Variants in PRPSAP2 observed in about 807,000 individuals in gnomAD.
PRPSAP2 encodes the protein phosphoribosyl pyrophosphate synthase-associated protein 2.
A neutral mutation model predicts 40.6 loss-of-function variants in PRPSAP2; 24 were observed. The ratio of observed to expected loss-of-function variants is 0.59; its 90% CI spans 0.43 to 0.83. The LOEUF (loss-of-function observed/expected upper bound fraction) is 0.83. PRPSAP2 is among the 40% of genes least tolerant of loss of function. The pLI, the probability that PRPSAP2 is intolerant of heterozygous loss-of-function variation, is 0.00. For missense variants in PRPSAP2, 292 were observed against 465.6 expected, an observed-to-expected ratio of 0.63 and a Z score of 3.43; for synonymous variants, 149 against 164.7, an observed-to-expected ratio of 0.90 and a Z score of 0.73.
intron 8 of PRPSAP2, among the ~76,000 whole-genome samples, chr17:18,906,791 C>T (rs1399771237): frequency 6.6e-6 from 1 of 152,104 alleles, no homozygotes; most frequent in Admixed American, 6.6e-5. Context: ...AAGTGATCTG[C>T]CCGCCTTAGC....
chr17:18,889,959 A>C, intron 8 of PRPSAP2, 82 bp downstream of exon 8: 1 of 1,244,188 alleles, frequency 8.0e-7, no homozygotes, highest in Non-Finnish European at 1.1e-6. Context: ...TCTAATTTGA[A>C]CTTCAGTGGT....
chr17:18,862,017 A>G (rs1199944731), intron 1 of PRPSAP2, among the ~76,000 whole-genome samples: 2 of 152,158 alleles, frequency 1.3e-5, no homozygotes, highest in African/African-American at 4.8e-5. Context: ...CCTCGTGAGT[A>G]GCTGGGACTA....
intron 8 of PRPSAP2, among the ~76,000 whole-genome samples, chr17:18,894,684 C>T (rs1168166915): frequency 6.6e-6 from 1 of 151,908 alleles, no homozygotes; most frequent in Non-Finnish European, 1.5e-5. Flanking sequence ...GGGGTTTCAC[C>T]ATCTTGGCCA....
At chr17:18,920,641 G>T (rs2041639202) in intron 9 of PRPSAP2, among the ~76,000 whole-genome samples, 1 of 152,006 alleles carries the variant, frequency 6.6e-6, no homozygotes, top group South Asian at 2.1e-4. Context: ...CGAATATAAA[G>T]ATTTTGTTAT....
At chr17:18,857,580 A>ATC (rs2036666043), upstream of PRPSAP2, among the ~76,000 whole-genome samples, 1 of 142,420 alleles carries the variant, frequency 7.0e-6, no homozygotes, top group African/African-American at 2.6e-5. Context: ...CGCCTGGCTA[A>ATC]TTTTTTTTTT....
intron 9 of PRPSAP2, among the ~76,000 whole-genome samples, chr17:18,923,256 A>ATTTTTTTTTTT (rs34975526): frequency 4.6e-4 from 48 of 105,384 alleles, no homozygotes; most frequent in African/African-American, 6.4e-4. Context: ...CACTTGGCTA[A>ATTTTTTTTTTT]TTTTTTTTTT....
rs1567738744 is a variant in PRPSAP2, at chr17:18,914,248, G to GTTT, written c.733+2997_733+2998insTTT. Among the ~76,000 whole-genome samples, 4 of 76,480 alleles carry GTTT rather than the reference G, an allele frequency of 5.2e-5. No individual in the cohort carries two copies. In the East Asian group the frequency reaches 1.3e-3, roughly 24 times the overall value. The allele number at this position is 76,480 out of a possible 152,430, so 50.2% of individuals were successfully genotyped here. ...GGAGTTCTGTCCTGAACATGTTTTT[G>GTTT]CTTTTTTTTTTTTTTTTTTTTTTTT... On this transcript the variant is annotated intron_variant, in intron 9 of 11. Transcript: ENST00000268835.
chr17:18,889,923 T>G, intron 8 of PRPSAP2, 46 bp downstream of exon 8: 1 of 1,560,070 alleles, frequency 6.4e-7, no homozygotes, highest in Non-Finnish European at 8.8e-7. Context: ...CTTCTAAGGA[T>G]TGTATCCGTG....
intron 5 of PRPSAP2, among the ~76,000 whole-genome samples, chr17:18,875,091 T>C (rs1465208707): frequency 1.3e-5 from 2 of 152,160 alleles, no homozygotes; most frequent in African/African-American, 4.8e-5. Flanking sequence ...CCCCTGTCTT[T>C]TGTCAGTTTC....
chr17:18,917,123 TA>T (rs902388773), intron 9 of PRPSAP2, among the ~76,000 whole-genome samples: 42 of 147,360 alleles, frequency 2.9e-4, no homozygotes, highest in South Asian at 4.3e-4. Flanking sequence ...TCTTCTTAAT[TA>T]AAAAAAAAAA....
At chr17:18,862,806 T>C (rs1042387312) in intron 1 of PRPSAP2, among the ~76,000 whole-genome samples, 80 of 129,680 alleles carry the variant, frequency 6.2e-4, no homozygotes, top group Admixed American at 2.2e-3. Flanking sequence ...TTTATTTATT[T>C]ATTTATTTAT....
chr17:18,889,921 G>T, intron 8 of PRPSAP2, 44 bp downstream of exon 8: 1 of 1,561,182 alleles, frequency 6.4e-7, no homozygotes. Context: ...TACTTCTAAG[G>T]ATTGTATCCG....
intron 7 of PRPSAP2, among the ~76,000 whole-genome samples, chr17:18,883,755 C>T (rs1254821030): frequency 2.0e-5 from 3 of 151,972 alleles, no homozygotes; most frequent in African/African-American, 7.2e-5. Flanking sequence ...TTTTACAGTA[C>T]TGTATTTAAA....
intron 8 of PRPSAP2, among the ~76,000 whole-genome samples, chr17:18,901,726 G>A (rs1215263280): frequency 1.3e-5 from 2 of 151,732 alleles, no homozygotes; most frequent in African/African-American, 2.4e-5. Flanking sequence ...TTTAGTTGTG[G>A]GTGGCAGAAG....
chr17:18,896,173 A>G (rs952206627), intron 8 of PRPSAP2, among the ~76,000 whole-genome samples: 1 of 152,202 alleles, frequency 6.6e-6, no homozygotes, highest in Non-Finnish European at 1.5e-5. Flanking sequence ...ACCTCCACCA[A>G]TTCCCAGTGT....
In PRPSAP2 at chr17:18,865,886, G is replaced by T. The variant is rs375894535; in HGVS notation, c.53G>T (p.Gly18Val). 24 of 1,546,324 alleles carry T rather than the reference G, an allele frequency of 1.6e-5. No individual in the cohort carries two copies. Among genetic ancestry groups the T allele is most frequent in the Non-Finnish European group, 2.1e-5 (24 of 1,138,036 alleles). ...GAAACCAAGATGAACATAACCAAAG[G>T]TGGTCTGGTGTTGTTTTCAGCAAAC... ...ELETKMNITK[G>V]GLVLFSANSN... Residue 18 changes from glycine (G) to valine (V), a missense_variant, in exon 3 of 12, where the codon GGT becomes GTT. Gly to Val is a moderately radical substitution (Grantham distance 109). Transcript: ENST00000268835.
chr17:18,868,458 A>G (rs866356724), intron 4 of PRPSAP2, among the ~76,000 whole-genome samples: 4 of 151,930 alleles, frequency 2.6e-5, no homozygotes, highest in Non-Finnish European at 5.9e-5. Flanking sequence ...CTGGGGGGGA[A>G]CAAGAGCGAG....
At chr17:18,913,541 CTTTTTTTTT>C (rs35697920) in intron 9 of PRPSAP2, among the ~76,000 whole-genome samples, 8 of 73,952 alleles carry the variant, frequency 1.1e-4, no homozygotes, top group Non-Finnish European at 1.5e-4. Flanking sequence ...GCGTCTGGTT[CTTTTTTTTT>C]TTTTTTTTTT....
chr17:18,915,595 G>T (rs1232390983), intron 9 of PRPSAP2, among the ~76,000 whole-genome samples: 2 of 152,188 alleles, frequency 1.3e-5, no homozygotes, highest in East Asian at 3.9e-4. Context: ...GAGAAGAAAA[G>T]TGAGCAGGCG....
Sources: gnomAD v4.1 joint callset for allele counts (sites outside exome capture counted in the v4.1 genomes callset) on GRCh38, gnomAD v4.1.1 for gene constraint, MANE v1.5 for transcripts, NCBI Gene and HGNC (gene_info 2026-07-23, HGNC 2026-07-21) for gene names.